Variants in PACRG observed in about 807,000 individuals in gnomAD.
PACRG encodes the protein parkin coregulated, also known as parkin coregulated gene protein.
A neutral mutation model predicts 29.7 loss-of-function variants in PACRG; 29 were observed. The ratio of observed to expected loss-of-function variants is 0.98; its 90% CI spans 0.73 to 1.33. The LOEUF is 1.33. Among genes scored for constraint, PACRG ranks in the 40% most tolerant of loss-of-function variants. The probability of loss-of-function intolerance (pLI) is 0.00; values close to 1 mark genes in which losing one functional copy is unlikely to be tolerated. For missense variants in PACRG, 279 were observed against 316.2 expected, an observed-to-expected ratio of 0.88 and a Z score of 0.89; for synonymous variants, 116 against 118.7, an observed-to-expected ratio of 0.98 and a Z score of 0.15.
rs923520653 is a variant in PACRG, at chr6:163,259,551, C to T, written c.614-55276C>T. Reference sequence around the variant, plus strand: ...CTGGTGTCCATACGGAAGACAGCTCCGAATTCTTCCTTGACCTCTTCGGCT... The same window carrying T: ...CTGGTGTCCATACGGAAGACAGCTCTGAATTCTTCCTTGACCTCTTCGGCT... On this transcript the variant is annotated intron_variant, in intron 4 of 4. Coordinates refer to ENST00000366888, the MANE Select transcript of PACRG (RefSeq NM_001080379.2). Among the ~76,000 whole-genome samples, 4 of 152,240 alleles carry T rather than the reference C, an allele frequency of 2.6e-5. No homozygotes were observed. In the East Asian group the frequency reaches 5.8e-4, roughly 22 times the overall value.
At chr6:163,101,243 T>C in intron 4 of PACRG, 1 of 980,130 alleles carries the variant, frequency 1.0e-6, no homozygotes, top group Non-Finnish European at 1.2e-6. Context: ...GATACAATAC[T>C]GGAATTTAAA....
intron 4 of PACRG, among the ~76,000 whole-genome samples, chr6:163,251,749 T>C (rs539530833): frequency 6.6e-4 from 100 of 152,304 alleles, no homozygotes; most frequent in Non-Finnish European, 1.3e-3. Context: ...AATTCCAGGA[T>C]GCTCAGACTT....
chr6:163,223,577 G>A (rs1424868193), intron 4 of PACRG, among the ~76,000 whole-genome samples: 5 of 152,224 alleles, frequency 3.3e-5, no homozygotes, highest in South Asian at 2.1e-4. Context: ...TAGACGACTC[G>A]ACTGTAATGC....
chr6:163,276,328 TTAAAATAGGG>T (rs1784025820), intron 4 of PACRG, among the ~76,000 whole-genome samples: 1 of 152,146 alleles, frequency 6.6e-6, no homozygotes, highest in Non-Finnish European at 1.5e-5. Flanking sequence ...GAGCCTGGCC[TTAAAATAGGG>T]TATTACTTTC....
intron 1 of PACRG, among the ~76,000 whole-genome samples, chr6:162,792,049 GA>G (rs1333630064): frequency 1.3e-5 from 2 of 152,152 alleles, no homozygotes; most frequent in Non-Finnish European, 2.9e-5. Flanking sequence ...GGTTTGAGGA[GA>G]GAATGAAATA....
At chr6:163,290,854 C>T (rs1784575749) in intron 4 of PACRG, among the ~76,000 whole-genome samples, 1 of 152,286 alleles carries the variant, frequency 6.6e-6, no homozygotes, top group East Asian at 1.9e-4. Context: ...AGCGTGAGGT[C>T]CGGGTCAGGG....
At chr6:163,248,302 A>G (rs887104657) in intron 4 of PACRG, among the ~76,000 whole-genome samples, 1 of 152,184 alleles carries the variant, frequency 6.6e-6, no homozygotes, top group African/African-American at 2.4e-5. Context: ...TATTGTTTGT[A>G]GCATTTCTTG....
intron 4 of PACRG, among the ~76,000 whole-genome samples, chr6:163,263,454 C>G (rs546324020): frequency 1.1e-4 from 16 of 152,300 alleles, no homozygotes; most frequent in African/African-American, 3.8e-4. Flanking sequence ...GGACCAGACC[C>G]TGCTGTGGAG....
chr6:163,107,465 T>A lies in PACRG; in HGVS notation c.613+18057T>A, dbSNP rs142900147. On this transcript the variant is annotated intron_variant, in intron 4 of 4. Coordinates refer to ENST00000366888, the MANE Select transcript of PACRG (RefSeq NM_001080379.2). ...CAGTTGAGTGTCAACCCTCAACGAG[T>A]GGGCAGAGACCCCTGCCTGAATCTC... Among the ~76,000 whole-genome samples the A allele has an allele frequency of 3.6e-3, 549 of 152,270 alleles. 2 individuals carry two copies. The highest frequency in any genetic ancestry group is 6.2e-3 in the Non-Finnish European group (420 of 68,020).
At chr6:162,731,219 C>A (rs1201746563) in intron 1 of PACRG, among the ~76,000 whole-genome samples, 1 of 152,128 alleles carries the variant, frequency 6.6e-6, no homozygotes, top group Non-Finnish European at 1.5e-5. Flanking sequence ...TGACATTACA[C>A]TCAAAGAAAA....
At chr6:162,740,133 G>A (rs899535430) in intron 1 of PACRG, among the ~76,000 whole-genome samples, 1 of 151,814 alleles carries the variant, frequency 6.6e-6, no homozygotes, top group Non-Finnish European at 1.5e-5. Context: ...TATTGTTGTA[G>A]CTTTACAAAT....
At chr6:163,018,319 T>G (rs746194671) in intron 2 of PACRG, among the ~76,000 whole-genome samples, 9 of 152,166 alleles carry the variant, frequency 5.9e-5, no homozygotes, top group Non-Finnish European at 1.0e-4. Flanking sequence ...TCTTCCTAGT[T>G]TCATAAGTAA....
At chr6:163,251,040 G>A (rs564293202) in intron 4 of PACRG, among the ~76,000 whole-genome samples, 1 of 152,020 alleles carries the variant, frequency 6.6e-6, no homozygotes, top group South Asian at 2.1e-4. Context: ...TGTTCTCACT[G>A]ATACATGGGA....
intron 4 of PACRG, among the ~76,000 whole-genome samples, chr6:163,285,909 G>A (rs1372064616): frequency 6.7e-6 from 1 of 149,262 alleles, no homozygotes; most frequent in East Asian, 1.9e-4. Flanking sequence ...CTAGGCTGCT[G>A]GAAGGGACTG....
chr6:162,838,410 G>A (rs1395000292), intron 2 of PACRG, among the ~76,000 whole-genome samples: 1 of 152,116 alleles, frequency 6.6e-6, no homozygotes, highest in Non-Finnish European at 1.5e-5. Context: ...TCCCAGACTA[G>A]AGGTTCCATT....
chr6:163,062,575 G>T lies in PACRG; in HGVS notation c.463+254G>T, dbSNP rs576075675. ...CTAATTTAAAATGCCTCACAGTAAT[G>T]ACATAAGCATTAACATTAACTTACG... On this transcript the variant is annotated intron_variant, in intron 3 of 4. Transcript: ENST00000366888. Among the ~76,000 whole-genome samples the T allele has an allele frequency of 3.9e-5, 6 of 152,256 alleles. No homozygotes were observed. In the South Asian group the frequency reaches 1.2e-3, roughly 32 times the overall value.
chr6:163,263,575 G>A (rs555780418), intron 4 of PACRG, among the ~76,000 whole-genome samples: 64 of 152,162 alleles, frequency 4.2e-4, no homozygotes, highest in African/African-American at 1.5e-3. Flanking sequence ...CAAAAACTGT[G>A]GGAAACTCTC....
intron 4 of PACRG, among the ~76,000 whole-genome samples, chr6:163,274,849 C>CT (rs1783968996): frequency 1.0e-5 from 1 of 98,430 alleles, no homozygotes; most frequent in Non-Finnish European, 2.0e-5. Context: ...TTTTTCTTTT[C>CT]TTTCTTTCTT....
rs78698905 is a variant in PACRG at position 163,059,257 on chromosome 6, C to T, written c.292-2893C>T. On this transcript the variant is annotated intron_variant, in intron 2 of 4. Transcript: ENST00000366888. ...TTTGACTTTTGTCTTTCAATTGCTC[C>T]GTCTTTTTTCTCTTTTCTCATAACT... Among the ~76,000 whole-genome samples, 214 of 152,224 alleles carry T rather than the reference C, an allele frequency of 1.4e-3. 2 individuals carry two copies. Among genetic ancestry groups the T allele is most frequent in the East Asian group, 0.013 (67 of 5,186 alleles).
Sources: allele counts gnomAD v4.1 joint callset (sites outside exome capture counted in the v4.1 genomes callset), GRCh38; gene constraint gnomAD v4.1.1; transcripts MANE v1.5; gene names NCBI Gene and HGNC (gene_info 2026-07-23, HGNC 2026-07-21).